Variants in ZNF816 observed in about 807,000 individuals in gnomAD.
ZNF816 encodes the protein zinc finger protein 816A.
A neutral mutation model predicts 8.3 loss-of-function variants in ZNF816; 11 were observed. The ratio of observed to expected loss-of-function variants is 1.32; its 90% CI spans 0.83 to 2.19. The LOEUF is 2.19. ZNF816 is among the 30% of genes most tolerant of loss of function. The pLI is 0.00. For synonymous variants in ZNF816, 255 were observed against 254.5 expected (o/e 1.00, Z -0.02); for missense variants, 710 against 779.3 (o/e 0.91, Z 1.06).
Position 52,951,116 on chromosome 19 carries a change from TG to T in ZNF816, c.658del (p.Gln220ArgfsTer5). 1.2e-6 allele frequency: 2 copies of T among 1,614,008 alleles called. No individual in the cohort carries two copies. Among genetic ancestry groups the T allele is most frequent in the Non-Finnish European group, 8.5e-7 (1 of 1,179,976 alleles). ...NFLHSSFTQI[Q>X]EICMREKPCQ... Reference sequence around the variant, plus strand: ...AGGTTTTTCTCTCATGCATATTTCCTGTATTTGTGTGAATGAAGAATGGAGG... The same window carrying T: ...AGGTTTTTCTCTCATGCATATTTCCTTATTTGTGTGAATGAAGAATGGAGG... On this transcript the variant is annotated frameshift_variant, in exon 4 of 4. Coordinates refer to ENST00000444460, the MANE Select transcript of ZNF816 (RefSeq NM_001202457.3). LOFTEE classifies it low-confidence loss of function (END_TRUNC).
intron 1 of ZNF816, among the ~76,000 whole-genome samples, chr19:52,961,117 C>T (rs2083552874): frequency 6.6e-6 from 1 of 152,178 alleles, no homozygotes; most frequent in African/African-American, 2.4e-5. Context: ...TTAAAAGGAT[C>T]TTATTTGTAT....
chr19:52,953,168 G>T, intron 2 of ZNF816: 1 of 307,466 alleles, frequency 3.3e-6, no homozygotes, highest in Non-Finnish European at 5.9e-6. Context: ...GACCAAGGCA[G>T]GTGGATCTCC....
At chr19:52,954,057 A>AAAG in intron 2 of ZNF816, among the ~76,000 whole-genome samples, 1 of 150,130 alleles carries the variant, frequency 6.7e-6, no homozygotes, top group Non-Finnish European at 1.5e-5. Context: ...AAAAAAAAAA[A>AAAG]GGTATATATA....
At position 52,952,779 on chromosome 19, in the gene ZNF816, C is replaced by T; in HGVS notation, c.162G>A (p.Leu54=). The change falls in exon 3 of 4, where the codon TTG becomes TTA. Residue 54 remains leucine, a synonymous_variant. Transcript: ENST00000444460. ...AQRALYRAVM[L]ENYRNLEFVD... ...CAAACTCCAGGTTCCTGTAGTTCTC[C>T]AACATCACAGCCCTGTATAAAGCCC... is the stretch of plus-strand genomic sequence containing the variant. 2 of 1,613,986 alleles carry T rather than the reference C, an allele frequency of 1.2e-6. No homozygotes were observed. Among genetic ancestry groups the T allele is most frequent in the Non-Finnish European group, 1.7e-6 (2 of 1,180,018 alleles).
intron 1 of ZNF816, among the ~76,000 whole-genome samples, chr19:52,961,075 T>C (rs1483803622): frequency 6.6e-6 from 1 of 152,242 alleles, no homozygotes; most frequent in Non-Finnish European, 1.5e-5. Flanking sequence ...ACAATCTTTC[T>C]GTTCTATAGT....
At position 52,952,805 on chromosome 19, in the gene ZNF816, T is replaced by G; in HGVS notation, c.136A>C (p.Arg46=). The G allele has an allele frequency of 6.2e-7, 1 of 1,613,930 alleles. No individual in the cohort carries two copies. Among genetic ancestry groups the G allele is most frequent in the Non-Finnish European group, 8.5e-7 (1 of 1,179,970 alleles). ...AACATCACAGCCCTGTATAAAGCCC[T>G]CTGTGCAGGGTTCAGGCATTTCCAC... ...EEWKCLNPAQ[R]ALYRAVMLEN... The change falls in exon 3 of 4, where the codon AGG becomes CGG. Residue 46 remains arginine (R), a synonymous_variant. Transcript: ENST00000444460.
chr19:52,950,785 G>C lies in ZNF816; in HGVS notation c.990C>G (p.Cys330Trp), dbSNP rs2083450567. 2 of 1,612,112 alleles carry C rather than the reference G, an allele frequency of 1.2e-6. No homozygotes were observed. Among genetic ancestry groups the C allele is most frequent in the Non-Finnish European group, 1.7e-6 (2 of 1,179,912 alleles). The change falls in exon 4 of 4, where the codon TGC becomes TGG. Residue 330 changes from cysteine to tryptophan, a missense_variant. Transcript: ENST00000444460. ...KTFSEKSSLR[C>W]HRRLHTGEKP... The stretch of plus-strand genomic sequence containing the variant: ...TCTCTCCAGTATGAAGTCTACGATG[G>C]CATCTAAGGGATGACTTCTCACTGA...
At chr19:52,956,338 G>A in intron 1 of ZNF816, 1 of 434,480 alleles carries the variant, frequency 2.3e-6, no homozygotes, top group South Asian at 3.0e-5. Context: ...CGCTGCAGCA[G>A]GACACAGATC....
At position 52,949,921 on chromosome 19, in the gene ZNF816, C is replaced by A. The variant is rs776379947; in HGVS notation, c.1854G>T (p.Glu618Asp). The change falls in exon 4 of 4, where the codon GAG becomes GAT. Residue 618 changes from glutamate (E) to aspartate (D), a missense_variant. Glu to Asp is a conservative substitution (Grantham distance 45, BLOSUM62 2). Transcript: ENST00000444460. ...CACACTCATTACACTTGTAAGGTTT[C>A]TCTGCAGTATGAACTCTCTGATGTT... is the stretch of plus-strand genomic sequence containing the variant. ...LAKHQRVHTA[E>D]KPYKCNECGK... is the part of the protein sequence containing the mutation. The A allele has an allele frequency of 6.2e-7, 1 of 1,613,824 alleles. No individual in the cohort carries two copies. Among genetic ancestry groups the A allele is most frequent in the Non-Finnish European group, 8.5e-7 (1 of 1,179,880 alleles).
At chr19:52,951,624 A>G (rs759175260) in intron 3 of ZNF816, 40 bp from the exon 4 acceptor site, 139 of 1,477,684 alleles carry the variant, frequency 9.4e-5, no homozygotes, top group Non-Finnish European at 1.2e-4. Flanking sequence ...AATTAAGTAC[A>G]GATGGTAAAT....
At chr19:52,951,882 G>T in intron 3 of ZNF816, 2 of 411,694 alleles carry the variant, frequency 4.9e-6, no homozygotes, top group South Asian at 2.1e-4. Flanking sequence ...TGGGCAACAA[G>T]AGCAAAATTC....
At chr19:52,956,919 A>C (rs747758573) in intron 1 of ZNF816, among the ~76,000 whole-genome samples, 1 of 152,184 alleles carries the variant, frequency 6.6e-6, no homozygotes, top group Non-Finnish European at 1.5e-5. Flanking sequence ...TAAACTACTT[A>C]TGTTATCTGT....
Position 52,951,249 on chromosome 19 carries a change from T to C in ZNF816, c.526A>G (p.Ile176Val), listed in dbSNP as rs777174555. 5.6e-6 allele frequency: 9 copies of C among 1,614,080 alleles called. No homozygotes were observed. In the East Asian group the frequency reaches 1.8e-4, roughly 32 times the overall value. The change falls in exon 4 of 4, where the codon ATT (isoleucine) becomes GTT (valine). Residue 176 changes from isoleucine to valine, a missense_variant. Physicochemically the swap from Ile to Val is conservative, Grantham distance 29 (BLOSUM62 3). Transcript: ENST00000444460. ...ELHMFQTKGK[I>V]SNQLDKSIGA... ...ATAGACTTGTCCAATTGGTTACTAA[T>C]TTTCCCTTTAGTCTGAAACATGTGG...
chr19:52,951,635 A>G lies in ZNF816; in HGVS notation c.191-51T>C, dbSNP rs186644885. 4,196 of 1,444,544 alleles carry G rather than the reference A, an allele frequency of 2.9e-3. 3 individuals are homozygous for G. The highest frequency in any genetic ancestry group is 3.4e-3 in the Non-Finnish European group (3,697 of 1,072,964). 89.5% of individuals were successfully genotyped at this position (1,444,544 alleles called of 1,614,324 possible). A position where few individuals can be genotyped will look rare whatever the true frequency, so the allele number is the denominator to read the frequency against. ...TTCCAATTAAGTACAGATGGTAAAT[A>G]ATAGTTGATATTCAGATGTGTAAAA... On this transcript the variant is annotated intron_variant, in intron 3 of 3. Coordinates refer to ENST00000444460, the MANE Select transcript of ZNF816 (RefSeq NM_001202457.3).
intron 2 of ZNF816, among the ~76,000 whole-genome samples, chr19:52,953,737 TTA>T (rs201923009): frequency 1.4e-5 from 2 of 139,148 alleles, no homozygotes; most frequent in Admixed American, 7.7e-5. Context: ...AATATATATT[TTA>T]TATATATATA....
At chr19:52,958,161 C>A (rs2083526208) in intron 1 of ZNF816, among the ~76,000 whole-genome samples, 1 of 152,162 alleles carries the variant, frequency 6.6e-6, no homozygotes, top group African/African-American at 2.4e-5. Flanking sequence ...CCTTGTCAGT[C>A]TCCCTGGAAC....
At position 52,950,721 on chromosome 19, in the gene ZNF816, G is replaced by T. The variant is rs535973683; in HGVS notation, c.1054C>A (p.Arg352=). Residue 352 remains arginine, a synonymous_variant, in exon 4 of 4, where the codon CGA becomes AGA. Coordinates refer to ENST00000444460, the MANE Select transcript of ZNF816 (RefSeq NM_001202457.3). ...TTATGAATTACAAGGGCTGAATTTC[G>T]ACCAAAAGTCTTGCCACACTCATTA... The part of the protein sequence containing the change: ...KCNECGKTFG[R]NSALVIHKAI... The T allele has an allele frequency of 1.2e-6, 2 of 1,613,814 alleles. No individual in the cohort carries two copies. The highest frequency in any genetic ancestry group is 1.1e-5 in the South Asian group (1 of 91,060).
rs368278990 is a variant in ZNF816, at chr19:52,954,721, G to A, written c.63+1306C>T. On this transcript the variant is annotated intron_variant, in intron 2 of 3. Coordinates refer to ENST00000444460, the MANE Select transcript of ZNF816 (RefSeq NM_001202457.3). ...CATCTGTAAATGCAGCTACTCAGTT[G>A]GCTGAAGCGTAAGACTCATTTGAAC... 1.3e-4 allele frequency among the ~76,000 whole-genome samples: 20 copies of A among 151,334 alleles called. 1 individual carries two copies. In the East Asian group the frequency reaches 2.5e-3, roughly 19 times the overall value.
rs2083435002 is a variant in ZNF816, at chr19:52,949,521, T to C, written c.*298A>G. ...TAAGGCATCTGTCCAGTATGAATTC[T>C]CTGATGTCTAATGAGGTGTGAACAT... On this transcript the variant is annotated 3_prime_UTR_variant, in exon 4 of 4. Coordinates refer to ENST00000444460, the MANE Select transcript of ZNF816 (RefSeq NM_001202457.3). The C allele has an allele frequency of 1.6e-6, 1 of 616,764 alleles. No individual in the cohort carries two copies. Among genetic ancestry groups the C allele is most frequent in the South Asian group, 1.5e-5 (1 of 67,246 alleles). The allele number at this position is 616,764 out of a possible 1,614,324, so 38.2% of individuals were successfully genotyped here.
Sources: allele counts gnomAD v4.1 joint callset (sites outside exome capture counted in the v4.1 genomes callset), GRCh38; gene constraint gnomAD v4.1.1; transcripts MANE v1.5; gene names NCBI Gene and HGNC (gene_info 2026-07-23, HGNC 2026-07-21).